GRAMD4: variants seen among roughly 807,000 people sequenced by gnomAD.
The protein encoded by GRAMD4 is GRAM domain-containing protein 4.
GRAMD4 carries 25 observed loss-of-function variants against 83.9 expected under a neutral mutation model. That is an observed-to-expected ratio of 0.30 (90% CI 0.22 to 0.42). GRAMD4 has a LOEUF of 0.42. Among genes scored for constraint, GRAMD4 ranks in the 10% least tolerant of loss-of-function variants. The pLI is 1.00. For synonymous variants in GRAMD4, 336 were observed against 320.9 expected (o/e 1.05, Z -0.50); for missense variants, 593 against 788.7 (o/e 0.75, Z 2.97).
intron 1 of GRAMD4, among the ~76,000 whole-genome samples, chr22:46,598,580 C>T (rs1030470255): frequency 2.0e-5 from 3 of 151,638 alleles, no homozygotes; most frequent in Non-Finnish European, 2.9e-5. Flanking sequence ...ACTGCCGGCT[C>T]CTGGCTCACC....
upstream of GRAMD4, among the ~76,000 whole-genome samples, chr22:46,616,391 TGC>T (rs1491485314): frequency 4.2e-3 from 260 of 62,462 alleles, 6 homozygotes; most frequent in East Asian, 6.3e-3. Context: ...GGTTCCCCTG[TGC>T]GTGTAGGTTC....
At chr22:46,619,489 C>T (rs1212126876), upstream of GRAMD4, among the ~76,000 whole-genome samples, 1 of 152,184 alleles carries the variant, frequency 6.6e-6, no homozygotes, top group African/African-American at 2.4e-5. Flanking sequence ...TAGGCACGTA[C>T]CACCACGCTG....
At position 46,679,631 on chromosome 22, in the gene GRAMD4, G is replaced by GT; in HGVS notation, c.*2381dup. 1.0e-6 allele frequency: 1 copy of GT among 983,232 alleles called. No individual in the cohort carries two copies. The highest frequency in any genetic ancestry group is 1.2e-6 in the Non-Finnish European group (1 of 827,722). The allele number at this position is 983,232 out of a possible 1,614,324, so 60.9% of individuals were successfully genotyped here. ...GGATCTGTAAATAATCATTGCCAGT[G>GT]TGACTTTTGTTCAACAAAAGGATTG... On this transcript the variant is annotated 3_prime_UTR_variant, in exon 19 of 19. Coordinates refer to ENST00000406902, the MANE Select transcript of GRAMD4 (RefSeq NM_015124.5).
intron 1 of GRAMD4, among the ~76,000 whole-genome samples, chr22:46,595,553 C>T (rs369825880): frequency 2.2e-4 from 33 of 152,326 alleles, no homozygotes; most frequent in South Asian, 1.9e-3. Flanking sequence ...GAAAAACAGG[C>T]GCCCCTCAAG....
rs572236359 is a variant in GRAMD4 at position 46,671,280 on chromosome 22, C to T, written c.1085-1563C>T. The T allele has an allele frequency of 2.9e-4, 66 of 224,642 alleles. 1 individual carries two copies. Among genetic ancestry groups the T allele is most frequent in the South Asian group, 2.5e-3 (65 of 25,882 alleles). 13.9% of individuals were successfully genotyped at this position (224,642 alleles called of 1,614,324 possible). Reference sequence around the variant, plus strand: ...CAAGTTGTCCGGACACGGTGGCTCACGCCTGTAATCCCAGCACTTTGGAAG... The same window carrying T: ...CAAGTTGTCCGGACACGGTGGCTCATGCCTGTAATCCCAGCACTTTGGAAG... On this transcript the variant is annotated intron_variant, in intron 13 of 18. Transcript: ENST00000406902.
intron 1 of GRAMD4, among the ~76,000 whole-genome samples, chr22:46,580,148 T>G (rs2081083481): frequency 6.6e-6 from 1 of 152,134 alleles, no homozygotes; most frequent in African/African-American, 2.4e-5. Flanking sequence ...CGACAGAAAT[T>G]GACAGTGAAT....
intron 1 of GRAMD4, among the ~76,000 whole-genome samples, chr22:46,623,333 T>C (rs1241706691): frequency 6.6e-6 from 1 of 152,248 alleles, no homozygotes; most frequent in Non-Finnish European, 1.5e-5. Flanking sequence ...GGGGCGTCTG[T>C]GTGCTTGCTC....
chr22:46,650,308 A>AGTGTCGAGGCTGGGTGGAGGGCTGC (rs67241528), intron 3 of GRAMD4, among the ~76,000 whole-genome samples: 34 of 131,494 alleles, frequency 2.6e-4, no homozygotes, highest in African/African-American at 9.8e-4. Flanking sequence ...CTGTGCGCTG[A>AGTGTCGAGGCTGGGTGGAGGGCTGC]GTGTCGAGGC....
At chr22:46,655,803 C>T (rs1004044605) in intron 3 of GRAMD4, among the ~76,000 whole-genome samples, 2 of 152,368 alleles carry the variant, frequency 1.3e-5, no homozygotes, top group South Asian at 2.1e-4. Flanking sequence ...CTTCTGACCC[C>T]GCCTTTGCTC....
chr22:46,616,438 C>T (rs372684510), upstream of GRAMD4, among the ~76,000 whole-genome samples: 3 of 117,254 alleles, frequency 2.6e-5, no homozygotes, highest in Admixed American at 1.8e-4. Flanking sequence ...GAGTAGGTTC[C>T]CCTGTGCGTG....
At chr22:46,592,562 G>C (rs958057785) in intron 1 of GRAMD4, among the ~76,000 whole-genome samples, 2 of 152,150 alleles carry the variant, frequency 1.3e-5, no homozygotes. Context: ...GGAGGGGCTC[G>C]ATTCAGTTAC....
intron 1 of GRAMD4, among the ~76,000 whole-genome samples, chr22:46,581,331 G>T (rs1411273051): frequency 1.3e-5 from 2 of 152,230 alleles, no homozygotes; most frequent in African/African-American, 4.8e-5. Context: ...AACCAAGTCT[G>T]CAGAGCACAC....
chr22:46,625,328 G>A (rs1030032878), intron 1 of GRAMD4, among the ~76,000 whole-genome samples: 3 of 152,178 alleles, frequency 2.0e-5, no homozygotes, highest in Admixed American at 1.3e-4. Context: ...TTCTTGCCAC[G>A]AACTGTGATG....
intron 2 of GRAMD4, among the ~76,000 whole-genome samples, chr22:46,631,249 C>T (rs1292858912): frequency 1.3e-5 from 2 of 151,952 alleles, no homozygotes; most frequent in Non-Finnish European, 2.9e-5. Flanking sequence ...ACCATCGCCA[C>T]CTCCACCTCC....
At chr22:46,675,596 G>A (rs772507427) in intron 17 of GRAMD4, 44 bp downstream of exon 17, 14 of 1,248,482 alleles carry the variant, frequency 1.1e-5, no homozygotes, top group Admixed American at 5.0e-5. Flanking sequence ...TGTTTTCTTC[G>A]TCACCTGACA....
chr22:46,656,099 G>A (rs1452687003), intron 3 of GRAMD4, among the ~76,000 whole-genome samples: 1 of 152,034 alleles, frequency 6.6e-6, no homozygotes, highest in African/African-American at 2.4e-5. Flanking sequence ...CAGCTCAGCT[G>A]CCCTGGGGGG....
chr22:46,650,451 A>G (rs2082149336), intron 3 of GRAMD4, among the ~76,000 whole-genome samples: 1 of 151,794 alleles, frequency 6.6e-6, no homozygotes, highest in Non-Finnish European at 1.5e-5. Context: ...GGCTGGGTGG[A>G]CGGCTGGGCC....
At chr22:46,625,710 C>T (rs139104806) in intron 1 of GRAMD4, among the ~76,000 whole-genome samples, 4 of 152,358 alleles carry the variant, frequency 2.6e-5, no homozygotes, top group African/African-American at 4.8e-5. Flanking sequence ...CATGGAGCTG[C>T]GTGATGGGGC....
At chr22:46,644,697 G>GTTTTTTTTTTT (rs71192437) in intron 3 of GRAMD4, among the ~76,000 whole-genome samples, 4 of 97,364 alleles carry the variant, frequency 4.1e-5, no homozygotes, top group East Asian at 3.1e-4. Context: ...CTTGTTCCCT[G>GTTTTTTTTTTT]TTTTTTTTTT....
Sources: allele counts gnomAD v4.1 joint callset (sites outside exome capture counted in the v4.1 genomes callset), GRCh38; gene constraint gnomAD v4.1.1; transcripts MANE v1.5; gene names NCBI Gene and HGNC (gene_info 2026-07-23, HGNC 2026-07-21).